Variants in MRPS25 observed in about 807,000 individuals in gnomAD.
MRPS25 encodes small ribosomal subunit protein mS25.
MRPS25 carries 15 observed loss-of-function variants against 17.3 expected under a neutral mutation model. The observed-to-expected ratio is 0.87, with a 90% CI of 0.58 to 1.34. The LOEUF is 1.34. Ranked by LOEUF, MRPS25 falls within the 40% of genes most tolerant of loss-of-function variation. The pLI is 0.00. For synonymous variants in MRPS25, 94 were observed against 83.3 expected, an observed-to-expected ratio of 1.13 and a Z score of -0.70; for missense variants, 225 against 218.6, an observed-to-expected ratio of 1.03 and a Z score of -0.19.
At position 15,059,484 on chromosome 3, in the gene MRPS25, G is replaced by C; in HGVS notation, c.135-9C>G. The C allele has an allele frequency of 1.3e-6, 2 of 1,583,586 alleles. No homozygotes were observed. The highest frequency in any genetic ancestry group is 1.7e-6 in the Non-Finnish European group (2 of 1,154,192). On this transcript the variant is annotated splice_polypyrimidine_tract_variant and intron_variant, in intron 1 of 3. Coordinates refer to ENST00000253686, the MANE Select transcript of MRPS25 (RefSeq NM_022497.5). ...TGAAAAACACAAACTTCCTGCAAAA[G>C]GGAAGAAATGAAGCCTATGAAACAG...
Position 15,059,533 on chromosome 3 carries a change from C to T in MRPS25, c.135-58G>A, listed in dbSNP as rs144750255. ...AGAGTTTTTAGCCTGAAATTTTATG[C>T]GTGGGTATTTTTCTAGGGAGAAAGC... On this transcript the variant is annotated intron_variant, in intron 1 of 3. Coordinates refer to ENST00000253686, the MANE Select transcript of MRPS25 (RefSeq NM_022497.5). The T allele has an allele frequency of 1.9e-4, 224 of 1,157,898 alleles. No individual in the cohort carries two copies. The African/African-American group carries it at 2.2e-3, about 11-fold the overall frequency. 71.7% of individuals were successfully genotyped at this position (1,157,898 alleles called of 1,614,324 possible).
rs2042610278 is a variant in MRPS25, at chr3:15,051,851, G to A, written c.*590C>T. 1.0e-6 allele frequency: 1 copy of A among 985,430 alleles called. No individual in the cohort carries two copies. Among genetic ancestry groups the A allele is most frequent in the African/African-American group, 1.7e-5 (1 of 57,254 alleles). 61.0% of individuals were successfully genotyped at this position (985,430 alleles called of 1,614,324 possible). ...AGTGAGGCTGGCCTGTCAGCCACTG[G>A]GGCTCCTCCATCTCTGGCCCATGGC... On this transcript the variant is annotated 3_prime_UTR_variant, in exon 4 of 4. Transcript: ENST00000253686.
intron 2 of MRPS25, among the ~76,000 whole-genome samples, chr3:15,054,316 T>C (rs907320914): frequency 4.6e-5 from 7 of 152,146 alleles, no homozygotes; most frequent in African/African-American, 1.7e-4. Context: ...ACCAAGATAA[T>C]TCAATGAAGA....
In MRPS25 at chr3:15,050,340, C is replaced by T. The variant is rs1253110568; in HGVS notation, c.*2101G>A. 1.9e-6 allele frequency: 2 copies of T among 1,065,852 alleles called. No homozygotes were observed. Among genetic ancestry groups the T allele is most frequent in the Admixed American group, 1.2e-4 (2 of 16,828 alleles). 66.0% of individuals were successfully genotyped at this position (1,065,852 alleles called of 1,614,324 possible). On this transcript the variant is annotated 3_prime_UTR_variant, in exon 4 of 4. Coordinates refer to ENST00000253686, the MANE Select transcript of MRPS25 (RefSeq NM_022497.5). ...GAACTCAAACCCTAGTTATCTGTCCCATTAGGGACCAGACATTTATTCTGT... is the reference window on the plus strand; with the variant it reads ...GAACTCAAACCCTAGTTATCTGTCCTATTAGGGACCAGACATTTATTCTGT...
chr3:15,047,021 G>A (rs1426772000), downstream of MRPS25: 1 of 152,666 alleles, frequency 6.6e-6, no homozygotes, highest in Non-Finnish European at 1.5e-5. Context: ...AGCATTGTGC[G>A]TGTACAGGTT....
chr3:15,045,789 C>G (rs931556860), downstream of MRPS25: 6 of 152,598 alleles, frequency 3.9e-5, no homozygotes, highest in Non-Finnish European at 7.3e-5. Context: ...GAAGTGAGAC[C>G]TGTCCTCTGG....
downstream of MRPS25, chr3:15,047,877 T>C (rs1408765809): frequency 1.3e-5 from 2 of 152,246 alleles, no homozygotes; most frequent in African/African-American, 4.8e-5. Flanking sequence ...GAATTGCATT[T>C]TAATATGGAT....
Position 15,049,454 on chromosome 3 carries a change from A to C in MRPS25, c.*2987T>G, listed in dbSNP as rs1410753216. 1 of 195,334 alleles carries C rather than the reference A, an allele frequency of 5.1e-6. No homozygotes were observed. Among genetic ancestry groups the C allele is most frequent in the Non-Finnish European group, 1.0e-5 (1 of 97,348 alleles). The allele number at this position is 195,334 out of a possible 1,614,324, so 12.1% of individuals were successfully genotyped here. On this transcript the variant is annotated 3_prime_UTR_variant, in exon 4 of 4. Coordinates refer to ENST00000253686, the MANE Select transcript of MRPS25 (RefSeq NM_022497.5). ...GGGCCCTCTGTGGTCCACTGGACTTATTAATACCTTTAGTGGGAAACCCTG... is the reference window on the plus strand; with the variant it reads ...GGGCCCTCTGTGGTCCACTGGACTTCTTAATACCTTTAGTGGGAAACCCTG...
chr3:15,050,878 C>T lies in MRPS25; in HGVS notation c.*1563G>A. 1 of 985,390 alleles carries T rather than the reference C, an allele frequency of 1.0e-6. No individual in the cohort carries two copies. Among genetic ancestry groups the T allele is most frequent in the Non-Finnish European group, 1.2e-6 (1 of 829,934 alleles). The allele number at this position is 985,390 out of a possible 1,614,324, so 61.0% of individuals were successfully genotyped here. On this transcript the variant is annotated 3_prime_UTR_variant, in exon 4 of 4. Coordinates refer to ENST00000253686, the MANE Select transcript of MRPS25 (RefSeq NM_022497.5). The stretch of plus-strand genomic sequence containing the variant: ...CTGCTCAATTTAATGTGATAATCTC[C>T]AACAGTTAATGAAACACATCGTAGT...
Position 15,049,865 on chromosome 3 carries a change from C to G in MRPS25, c.*2576G>C. On this transcript the variant is annotated 3_prime_UTR_variant, in exon 4 of 4. Transcript: ENST00000253686. Reference sequence around the variant, plus strand: ...AACCTCCTGGGCTCAAGTGATCCTCCTGCCTCAGCCTCCTGAGTAACTGGG... The same window carrying G: ...AACCTCCTGGGCTCAAGTGATCCTCGTGCCTCAGCCTCCTGAGTAACTGGG... 2.1e-6 allele frequency: 3 copies of G among 1,446,004 alleles called. No individual in the cohort carries two copies. The highest frequency in any genetic ancestry group is 2.8e-6 in the Non-Finnish European group (3 of 1,067,050). 89.6% of individuals were successfully genotyped at this position (1,446,004 alleles called of 1,614,324 possible).
At chr3:15,061,350 C>T (rs866425954) in intron 1 of MRPS25, among the ~76,000 whole-genome samples, 112 of 151,906 alleles carry the variant, frequency 7.4e-4, no homozygotes, top group African/African-American at 2.2e-3. Flanking sequence ...CCAGCGCCTG[C>T]GATTGCAGGC....
intron 3 of MRPS25, 52 bp from the exon 4 acceptor site, chr3:15,052,685 C>A: frequency 6.3e-7 from 1 of 1,580,234 alleles, no homozygotes; most frequent in Non-Finnish European, 8.6e-7. Context: ...GAGTGGCAGG[C>A]ACAGGGCAGT....
At position 15,059,413 on chromosome 3, in the gene MRPS25, A is replaced by G; in HGVS notation, c.197T>C (p.Met66Thr). The G allele has an allele frequency of 6.2e-7, 1 of 1,613,868 alleles. No homozygotes were observed. Among genetic ancestry groups the G allele is most frequent in the Non-Finnish European group, 8.5e-7 (1 of 1,179,832 alleles). ...QYKNPWVQIM[M>T]FKNMTPSPFL... ...GGGTGACGGCGTCATGTTCTTAAAC[A>G]TCATGATCTGCACCCAAGGGTTTTT... Residue 66 changes from methionine to threonine, a missense_variant, in exon 2 of 4, where the codon ATG becomes ACG. Physicochemically the swap from Met to Thr is moderately conservative, Grantham distance 81. Transcript: ENST00000253686.
chr3:15,042,792 G>C (rs1168570343), downstream of MRPS25: 1 of 1,585,036 alleles, frequency 6.3e-7, no homozygotes, highest in Non-Finnish European at 8.6e-7. Flanking sequence ...TGGTTGAAGG[G>C]CATCAAACAG....
At position 15,051,043 on chromosome 3, in the gene MRPS25, C is replaced by T. The variant is rs1299806705; in HGVS notation, c.*1398G>A. 1 of 983,646 alleles carries T rather than the reference C, an allele frequency of 1.0e-6. No individual in the cohort carries two copies. The highest frequency in any genetic ancestry group is 1.2e-6 in the Non-Finnish European group (1 of 828,424). The allele number at this position is 983,646 out of a possible 1,614,324, so 60.9% of individuals were successfully genotyped here. A position where few individuals can be genotyped will look rare whatever the true frequency, so the allele number is the denominator to read the frequency against. On this transcript the variant is annotated 3_prime_UTR_variant, in exon 4 of 4. Transcript: ENST00000253686. The stretch of plus-strand genomic sequence containing the variant: ...CCAGCAGGTAGAGGAATGAAAACTT[C>T]AGTCCTGCTCTGTCAAGCACCACTG...
At position 15,051,172 on chromosome 3, in the gene MRPS25, T is replaced by A. The variant is rs1210217111; in HGVS notation, c.*1269A>T. The A allele has an allele frequency of 2.0e-6, 2 of 985,018 alleles. No individual in the cohort carries two copies. The highest frequency in any genetic ancestry group is 2.4e-6 in the Non-Finnish European group (2 of 829,706). 61.0% of individuals were successfully genotyped at this position (985,018 alleles called of 1,614,324 possible). A position where few individuals can be genotyped will look rare whatever the true frequency, so the allele number is the denominator to read the frequency against. ...GTGGTCCAACTGGTCCTTCACTTTATAATTAAACTTATTTAAAAAATTTTT... is the reference window on the plus strand; with the variant it reads ...GTGGTCCAACTGGTCCTTCACTTTAAAATTAAACTTATTTAAAAAATTTTT... On this transcript the variant is annotated 3_prime_UTR_variant, in exon 4 of 4. Transcript: ENST00000253686.
intron 1 of MRPS25, among the ~76,000 whole-genome samples, chr3:15,060,272 G>A (rs747602445): frequency 3.9e-5 from 6 of 152,082 alleles, no homozygotes; most frequent in Non-Finnish European, 7.4e-5. Flanking sequence ...CAGCACTTTG[G>A]GAAGCCCAGG....
intron 3 of MRPS25, 140 bp from the exon 4 acceptor site, chr3:15,052,773 G>T: frequency 3.4e-6 from 3 of 892,222 alleles, no homozygotes; most frequent in Non-Finnish European, 5.1e-6. Context: ...CACTGTCAAA[G>T]CCTATCGCTG....
chr3:15,059,183 G>A (rs948280435), intron 2 of MRPS25, among the ~76,000 whole-genome samples, 186 bp downstream of exon 2: 1 of 152,174 alleles, frequency 6.6e-6, no homozygotes, highest in African/African-American at 2.4e-5. Context: ...TGAGGCTGGA[G>A]AGGGAAAGAG....
Sources: gnomAD v4.1 joint callset for allele counts (sites outside exome capture counted in the v4.1 genomes callset) on GRCh38, gnomAD v4.1.1 for gene constraint, MANE v1.5 for transcripts, NCBI Gene and HGNC (gene_info 2026-07-23, HGNC 2026-07-21) for gene names.